Variants in KIF6 observed in about 807,000 individuals in gnomAD.
KIF6 encodes the protein kinesin family member 6.
Under a neutral mutation model 112.7 loss-of-function variants are expected in KIF6, and 106 were observed. The observed-to-expected ratio is 0.94, with a 90% CI of 0.80 to 1.11. The LOEUF is 1.11. Ranked by LOEUF, KIF6 falls within the 50% of genes least tolerant of loss-of-function variation. KIF6 has a pLI of 0.00. For missense variants in KIF6, 929 were observed against 964.0 expected, an observed-to-expected ratio of 0.96 and a Z score of 0.48; for synonymous variants, 339 against 339.9, an observed-to-expected ratio of 1.00 and a Z score of 0.03.
rs768602151 is a variant in KIF6 at position 39,540,131 on chromosome 6, G to A, written c.1517C>T (p.Ser506Phe). The change falls in exon 13 of 23, where the codon TCC (serine) becomes TTC (phenylalanine). Residue 506 changes from serine (S) to phenylalanine (F), a missense_variant. Transcript: ENST00000287152. The part of the protein sequence containing the change: ...AGMDRREFRQ[S>F]QSPPFRLGNP... ...TCCTAGGCGGAAGGGTGGGCTCTGG[G>A]ACTGTCTGAATTCACGTCTATCCAT... The A allele has an allele frequency of 6.2e-7, 1 of 1,614,144 alleles. No individual in the cohort carries two copies. Among genetic ancestry groups the A allele is most frequent in the South Asian group, 1.1e-5 (1 of 91,078 alleles).
intron 16 of KIF6, among the ~76,000 whole-genome samples, chr6:39,384,031 T>C (rs906039861): frequency 6.6e-6 from 1 of 152,224 alleles, no homozygotes; most frequent in South Asian, 2.1e-4. Flanking sequence ...GTTTATCAGG[T>C]CTTGGAGTCT....
chr6:39,417,872 T>C (rs1770037652), intron 15 of KIF6, among the ~76,000 whole-genome samples: 3 of 152,334 alleles, frequency 2.0e-5, no homozygotes, highest in Non-Finnish European at 4.4e-5. Flanking sequence ...ATATTATTTC[T>C]TAGGGAGAAA....
At position 39,687,287 on chromosome 6, in the gene KIF6, C is replaced by T. The variant is rs546013523; in HGVS notation, c.251+27405G>A. 5.3e-5 allele frequency among the ~76,000 whole-genome samples: 8 copies of T among 152,260 alleles called. No individual in the cohort carries two copies. In the East Asian group the frequency reaches 9.6e-4, roughly 18 times the overall value. The stretch of plus-strand genomic sequence containing the variant: ...CGACTACATCAGTTCTGGGAACCAA[C>T]GGACAGGACCAAAATTATGTAGAAA... On this transcript the variant is annotated intron_variant, in intron 3 of 22. Coordinates refer to ENST00000287152, the MANE Select transcript of KIF6 (RefSeq NM_145027.6).
At chr6:39,453,399 C>T (rs1006622936) in intron 13 of KIF6, among the ~76,000 whole-genome samples, 1 of 152,226 alleles carries the variant, frequency 6.6e-6, no homozygotes, top group Non-Finnish European at 1.5e-5. Flanking sequence ...TAATCTTTTA[C>T]AATAGCTGCC....
rs1239940433 is a variant in KIF6 at position 39,474,123 on chromosome 6, G to T, written c.1646-42962C>A. On this transcript the variant is annotated intron_variant, in intron 13 of 22. Transcript: ENST00000287152. ...GGTAACAACTGGGGAGAGGATCTCT[G>T]ACAGGGAAATGTTTAAAGGGACAGT... Among the ~76,000 whole-genome samples the T allele has an allele frequency of 3.3e-5, 5 of 152,164 alleles. No homozygotes were observed. In the South Asian group the frequency reaches 6.2e-4, roughly 19 times the overall value.
chr6:39,431,211 T>C, intron 13 of KIF6, 50 bp from the exon 14 acceptor site: 1 of 1,071,980 alleles, frequency 9.3e-7, no homozygotes, highest in African/African-American at 1.5e-5. Context: ...CAGGATCCTA[T>C]TAATTTCATT....
chr6:39,658,523 A>C (rs933413958), intron 3 of KIF6, among the ~76,000 whole-genome samples: 2 of 152,176 alleles, frequency 1.3e-5, no homozygotes, highest in African/African-American at 4.8e-5. Context: ...TTCCAATTCT[A>C]TTTATTATTT....
At chr6:39,524,156 G>GAC (rs1265537444) in intron 13 of KIF6, among the ~76,000 whole-genome samples, 1 of 150,632 alleles carries the variant, frequency 6.6e-6, no homozygotes, top group Non-Finnish European at 1.5e-5. Context: ...GTGTGAAAGA[G>GAC]AGAGAGAGAG....
At chr6:39,437,310 C>A (rs916843403) in intron 13 of KIF6, among the ~76,000 whole-genome samples, 3 of 152,104 alleles carry the variant, frequency 2.0e-5, no homozygotes, top group African/African-American at 7.2e-5. Flanking sequence ...ATATCATTGG[C>A]AAACAGTGAT....
intron 10 of KIF6, among the ~76,000 whole-genome samples, chr6:39,572,681 T>A (rs3734624): frequency 0.25 from 34,371 of 137,818 alleles, 5,056 homozygotes; most frequent in African/African-American, 0.36. Flanking sequence ...TTTTTTTTTT[T>A]ACCAAAGAAA....
At position 39,362,817 on chromosome 6, in the gene KIF6, G is replaced by C. The variant is rs192047975; in HGVS notation, c.1862-299C>G. ...TCATTCATTTCCTGTTGAGTTTCCA[G>C]GGAAGACGCAAAATAGCATTTCCCC... On this transcript the variant is annotated intron_variant, in intron 16 of 22. Transcript: ENST00000287152. 4.9e-3 allele frequency among the ~76,000 whole-genome samples: 750 copies of C among 152,244 alleles called. 9 individuals are homozygous for C. The highest frequency in any genetic ancestry group is 0.017 in the African/African-American group (695 of 41,534).
chr6:39,431,799 C>T (rs1771175143), intron 13 of KIF6, among the ~76,000 whole-genome samples: 1 of 152,130 alleles, frequency 6.6e-6, no homozygotes, highest in Non-Finnish European at 1.5e-5. Context: ...CTGCTGGGCG[C>T]TGTTCAGAGT....
intron 1 of KIF6, among the ~76,000 whole-genome samples, chr6:39,722,823 AC>A (rs1279810098): frequency 6.6e-6 from 1 of 152,194 alleles, no homozygotes; most frequent in African/African-American, 2.4e-5. Context: ...TGTGTGTGAC[AC>A]CTAAAAATAT....
chr6:39,642,953 T>C (rs945770235), intron 3 of KIF6, among the ~76,000 whole-genome samples: 1 of 152,120 alleles, frequency 6.6e-6, no homozygotes, highest in Non-Finnish European at 1.5e-5. Context: ...GTATGTAGGC[T>C]GGGAGATGGA....
intron 15 of KIF6, among the ~76,000 whole-genome samples, chr6:39,402,020 A>C (rs1474972863): frequency 6.6e-6 from 1 of 152,146 alleles, no homozygotes; most frequent in Non-Finnish European, 1.5e-5. Flanking sequence ...TAACTGTAGC[A>C]GCCCTTGGTT....
chr6:39,353,559 G>A (rs1764419054), intron 19 of KIF6, among the ~76,000 whole-genome samples: 1 of 152,208 alleles, frequency 6.6e-6, no homozygotes, highest in Non-Finnish European at 1.5e-5. Context: ...CTTTTGCAGA[G>A]TGGTGTTTTA....
intron 16 of KIF6, among the ~76,000 whole-genome samples, chr6:39,381,293 A>G (rs930962332): frequency 3.9e-5 from 6 of 152,214 alleles, no homozygotes; most frequent in African/African-American, 1.4e-4. Flanking sequence ...ATGTAGGCAA[A>G]AGAAAGAAAC....
chr6:39,586,301 G>C lies in KIF6; in HGVS notation c.950C>G (p.Thr317Ser). The change falls in exon 8 of 23, where the codon ACT (threonine) becomes AGT (serine). Residue 317 changes from threonine (T) to serine (S), a missense_variant. Around this residue, in one of 2 missense-constraint regions of KIF6, gnomAD observed 688 missense variants for 662.7 expected, o/e 1.04. Transcript: ENST00000287152. ...CTCCAAGGAGAGTGTTGCAATCATA[G>C]TTGTCATGCAGTTCCCTCCCAAACT... ...RDSLGGNCMT[T>S]MIATLSLEKR... The C allele has an allele frequency of 6.2e-7, 1 of 1,613,982 alleles. No homozygotes were observed. The highest frequency in any genetic ancestry group is 8.5e-7 in the Non-Finnish European group (1 of 1,179,838).
chr6:39,399,342 G>C (rs1033752009), intron 15 of KIF6, among the ~76,000 whole-genome samples: 10 of 152,204 alleles, frequency 6.6e-5, no homozygotes, highest in African/African-American at 2.4e-4. Context: ...TGTGAATGGA[G>C]ACTTTCATCC....
Sources: gnomAD v4.1 joint callset for allele counts (sites outside exome capture counted in the v4.1 genomes callset) on GRCh38, gnomAD v4.1.1 for gene constraint, gnomAD v4.1.1 regional missense constraint, MANE v1.5 for transcripts, NCBI Gene and HGNC (gene_info 2026-07-23, HGNC 2026-07-21) for gene names.